The following SLC45A4 variants were observed in gnomAD, a reference collection of about 807,000 sequenced individuals.
SLC45A4 encodes solute carrier family 45 member 4, also known as polyamine-transporter SLC45A4.
A neutral mutation model predicts 63.7 loss-of-function variants in SLC45A4; 32 were observed. The observed-to-expected ratio is 0.50, with a 90% CI of 0.38 to 0.67. The LOEUF is 0.67. Among genes scored for constraint, SLC45A4 ranks in the 30% least tolerant of loss-of-function variants. SLC45A4 has a pLI of 0.00. For missense variants in SLC45A4, 1,027 were observed against 1,157.7 expected (o/e 0.89, Z 1.64); for synonymous variants, 535 against 510.0 (o/e 1.05, Z -0.66).
intron 1 of SLC45A4, among the ~76,000 whole-genome samples, chr8:141,273,771 A>G (rs1829625832): frequency 6.6e-6 from 1 of 152,150 alleles, no homozygotes. Context: ...AAAAGAACAT[A>G]GTGAACGTCG....
At chr8:141,219,548 G>C in intron 4 of SLC45A4, 102 bp downstream of exon 4, 1 of 1,374,342 alleles carries the variant, frequency 7.3e-7, no homozygotes, top group South Asian at 1.4e-5. Context: ...CCTCCATGCA[G>C]CCTGATGAGG....
chr8:141,241,801 C>T (rs1199793746), intron 2 of SLC45A4, among the ~76,000 whole-genome samples: 1 of 152,204 alleles, frequency 6.6e-6, no homozygotes, highest in Non-Finnish European at 1.5e-5. Flanking sequence ...GGAGGGACCA[C>T]TGCTTCTGCT....
intron 1 of SLC45A4, among the ~76,000 whole-genome samples, chr8:141,271,895 C>T (rs114374204): frequency 0.019 from 2,964 of 152,198 alleles, 93 homozygotes; most frequent in African/African-American, 0.068. Context: ...CACACACCTG[C>T]GTACACATAC....
At chr8:141,244,616 G>C (rs1445783311) in intron 2 of SLC45A4, among the ~76,000 whole-genome samples, 1 of 152,166 alleles carries the variant, frequency 6.6e-6, no homozygotes, top group Non-Finnish European at 1.5e-5. Flanking sequence ...CGTTGAGTGG[G>C]AGCATGCAGA....
rs1435439550 is a variant in SLC45A4 at position 141,208,688 on chromosome 8, A to T, written c.*2884T>A. 6.6e-6 allele frequency: 1 copy of T among 152,288 alleles called. No homozygotes were observed. Among genetic ancestry groups the T allele is most frequent in the Non-Finnish European group, 1.5e-5 (1 of 68,076 alleles). The allele number at this position is 152,288 out of a possible 1,614,324, so 9.4% of individuals were successfully genotyped here. A position where few individuals can be genotyped will look rare whatever the true frequency, so the allele number is the denominator to read the frequency against. On this transcript the variant is annotated 3_prime_UTR_variant, in exon 9 of 9. Coordinates refer to ENST00000517878, the MANE Select transcript of SLC45A4 (RefSeq NM_001286646.2). ...ACACTCCAAAGCTAGCTCTTCAGCC[A>T]CCAGGGAACGTCATGATGCCAGTCT...
intron 1 of SLC45A4, among the ~76,000 whole-genome samples, chr8:141,281,917 T>A (rs561805184): frequency 3.2e-4 from 48 of 152,174 alleles, no homozygotes; most frequent in African/African-American, 1.2e-3. Context: ...CGTCCGGAGC[T>A]GCACGGCACC....
At chr8:141,271,848 TACAC>T (rs748219759) in intron 1 of SLC45A4, among the ~76,000 whole-genome samples, 6 of 151,198 alleles carry the variant, frequency 4.0e-5, no homozygotes, top group Admixed American at 6.6e-5. Flanking sequence ...CACACCTGTG[TACAC>T]ACACACACAC....
intron 1 of SLC45A4, among the ~76,000 whole-genome samples, chr8:141,290,892 G>C (rs4961356): frequency 6.6e-6 from 1 of 152,110 alleles, no homozygotes; most frequent in Admixed American, 6.5e-5. Flanking sequence ...TCTGTCACCC[G>C]GGCTGGAGTG....
intron 2 of SLC45A4, among the ~76,000 whole-genome samples, chr8:141,251,170 C>G (rs1005214500): frequency 6.6e-6 from 1 of 152,198 alleles, no homozygotes; most frequent in Non-Finnish European, 1.5e-5. Flanking sequence ...TTTGTTATGA[C>G]AGTGCTTTCA....
At chr8:141,250,189 T>C (rs1828398941) in intron 2 of SLC45A4, among the ~76,000 whole-genome samples, 3 of 152,206 alleles carry the variant, frequency 2.0e-5, no homozygotes, top group African/African-American at 7.2e-5. Flanking sequence ...AGACAGGTCC[T>C]GGGCTTATGA....
chr8:141,252,040 A>G (rs994526426), intron 2 of SLC45A4, among the ~76,000 whole-genome samples: 1 of 148,186 alleles, frequency 6.7e-6, no homozygotes, highest in Non-Finnish European at 1.5e-5. Flanking sequence ...TTATGTTTGT[A>G]TCAACAAACA....
intron 6 of SLC45A4, among the ~76,000 whole-genome samples, chr8:141,216,627 G>T (rs924266468): frequency 6.6e-6 from 1 of 152,184 alleles, no homozygotes; most frequent in African/African-American, 2.4e-5. Context: ...TTCACACTCG[G>T]CTCAGAGACC....
At chr8:141,296,514 A>T (rs1179504626) in intron 1 of SLC45A4, among the ~76,000 whole-genome samples, 5 of 131,170 alleles carry the variant, frequency 3.8e-5, no homozygotes, top group East Asian at 2.4e-4. Context: ...AAAAAAAAAA[A>T]AAAAATTAAA....
At chr8:141,266,904 T>C (rs1829289760) in intron 1 of SLC45A4, among the ~76,000 whole-genome samples, 2 of 152,186 alleles carry the variant, frequency 1.3e-5, no homozygotes, top group Admixed American at 1.3e-4. Context: ...ACCATTAAGA[T>C]ACTGGAAATG....
Position 141,212,424 on chromosome 8 carries a change from C to A in SLC45A4, c.2074G>T (p.Val692Phe), listed in dbSNP as rs753310131. 8.1e-5 allele frequency: 131 copies of A among 1,613,658 alleles called. No individual in the cohort carries two copies. The highest frequency in any genetic ancestry group is 1.0e-4 in the Non-Finnish European group (122 of 1,180,048). The change falls in exon 8 of 9, where the codon GTC becomes TTC. Residue 692 changes from valine (V) to phenylalanine (F), a missense_variant. Transcript: ENST00000517878. The stretch of plus-strand genomic sequence containing the variant: ...GAGGCCACCATGGGGATGACGCGGA[C>A]AGTCCCCACGGCGTCGACCACGCCC... ...LGGVVDAVGT[V>F]RVIPMVASVG... is the part of the protein sequence containing the mutation.
At chr8:141,242,446 T>C (rs1350530957) in intron 2 of SLC45A4, among the ~76,000 whole-genome samples, 1 of 152,220 alleles carries the variant, frequency 6.6e-6, no homozygotes, top group African/African-American at 2.4e-5. Flanking sequence ...AGAGGATGTT[T>C]AGACCAGTGG....
At chr8:141,240,712 C>T (rs1034790743) in intron 2 of SLC45A4, among the ~76,000 whole-genome samples, 3 of 152,222 alleles carry the variant, frequency 2.0e-5, no homozygotes, top group Admixed American at 1.3e-4. Flanking sequence ...CACAACCACA[C>T]TCCAGCCTGG....
At chr8:141,267,728 C>T (rs1010103263) in intron 1 of SLC45A4, among the ~76,000 whole-genome samples, 1 of 149,016 alleles carries the variant, frequency 6.7e-6, no homozygotes, top group Non-Finnish European at 1.5e-5. Flanking sequence ...AAAGATACTC[C>T]ACACTCGAGG....
At chr8:141,244,959 G>C (rs1828101212) in intron 2 of SLC45A4, among the ~76,000 whole-genome samples, 1 of 89,274 alleles carries the variant, frequency 1.1e-5, no homozygotes, top group African/African-American at 3.3e-5. Flanking sequence ...GACGTGGGTG[G>C]GGGGGGGGGG....
Sources: allele counts gnomAD v4.1 joint callset (sites outside exome capture counted in the v4.1 genomes callset), GRCh38; gene constraint gnomAD v4.1.1; transcripts MANE v1.5; gene names NCBI Gene and HGNC (gene_info 2026-07-23, HGNC 2026-07-21).